MSRA: variants seen among roughly 807,000 people sequenced by gnomAD.
MSRA encodes the protein methionine sulfoxide reductase A, also known as mitochondrial peptide methionine sulfoxide reductase.
In MSRA, 54 loss-of-function variants were observed where a neutral mutation model predicts 31.3. That is an observed-to-expected ratio of 1.73 (90% CI 1.39 to 2.17). MSRA has a LOEUF of 2.17. MSRA is among the 30% of genes most tolerant of loss of function. The pLI is 0.00. For missense variants in MSRA, 507 were observed against 300.9 expected, an observed-to-expected ratio of 1.69 and a Z score of -5.07; for synonymous variants, 169 against 116.5, an observed-to-expected ratio of 1.45 and a Z score of -2.90.
At chr8:10,265,422 A>C (rs1002660275) in intron 3 of MSRA, among the ~76,000 whole-genome samples, 14 of 152,204 alleles carry the variant, frequency 9.2e-5, no homozygotes, top group African/African-American at 3.4e-4. Flanking sequence ...ATAGTGACCT[A>C]TGCCTCTCAT....
chr8:10,214,755 A>G (rs1809841326), intron 2 of MSRA, among the ~76,000 whole-genome samples: 1 of 152,214 alleles, frequency 6.6e-6, no homozygotes, highest in Non-Finnish European at 1.5e-5. Context: ...AGATAAAAAT[A>G]GGCCTTCCTC....
chr8:10,192,939 T>A (rs925347456), intron 1 of MSRA, among the ~76,000 whole-genome samples: 2 of 152,230 alleles, frequency 1.3e-5, no homozygotes, highest in African/African-American at 4.8e-5. Context: ...ATTTTTAAAT[T>A]GGGGGTTTGC....
At chr8:10,176,318 A>T (rs543659222) in intron 1 of MSRA, among the ~76,000 whole-genome samples, 1 of 152,256 alleles carries the variant, frequency 6.6e-6, no homozygotes, top group East Asian at 1.9e-4. Flanking sequence ...CTCCTCAGAG[A>T]TGCCAGCTCT....
chr8:10,066,938 C>G (rs1342711771), intron 1 of MSRA, among the ~76,000 whole-genome samples: 5 of 151,822 alleles, frequency 3.3e-5, no homozygotes, highest in Non-Finnish European at 7.4e-5. Flanking sequence ...TACAGAGTTC[C>G]CATACACACT....
At chr8:10,351,244 AC>A (rs1330735490) in intron 5 of MSRA, among the ~76,000 whole-genome samples, 19 of 79,742 alleles carry the variant, frequency 2.4e-4, no homozygotes, top group African/African-American at 9.6e-4. Flanking sequence ...TCTGAAGGAG[AC>A]TTTTTTTTTT....
chr8:10,092,948 T>G (rs1177235686), intron 1 of MSRA, among the ~76,000 whole-genome samples: 3 of 152,244 alleles, frequency 2.0e-5, no homozygotes, highest in African/African-American at 7.2e-5. Flanking sequence ...CTTCTTTATC[T>G]TTAGTAGCAA....
chr8:10,253,324 T>A (rs1157643433), intron 3 of MSRA, among the ~76,000 whole-genome samples: 2 of 152,218 alleles, frequency 1.3e-5, no homozygotes, highest in Non-Finnish European at 2.9e-5. Context: ...ATGACCTTGA[T>A]ATTTTAATAT....
intron 2 of MSRA, among the ~76,000 whole-genome samples, chr8:10,239,039 C>G (rs1380734868): frequency 6.6e-6 from 1 of 151,986 alleles, no homozygotes. Flanking sequence ...TGCAACAAAC[C>G]AAGAAAAATA....
At chr8:10,192,191 A>G (rs1807568119) in intron 1 of MSRA, among the ~76,000 whole-genome samples, 2 of 151,678 alleles carry the variant, frequency 1.3e-5, no homozygotes, top group South Asian at 4.2e-4. Context: ...AACCCCCATC[A>G]CTCCTGTTGT....
chr8:10,166,387 A>G (rs1045622053), intron 1 of MSRA, among the ~76,000 whole-genome samples: 6 of 151,022 alleles, frequency 4.0e-5, no homozygotes, highest in African/African-American at 1.5e-4. Context: ...TTTGTATGAT[A>G]GTGTGTGCTC....
intron 5 of MSRA, 31 bp downstream of exon 5, chr8:10,320,020 T>C (rs760278645): frequency 6.7e-6 from 10 of 1,481,940 alleles, no homozygotes; most frequent in Non-Finnish European, 9.3e-6. Flanking sequence ...AGCCCCTGGC[T>C]TAGGCCACCA....
At chr8:10,057,822 C>T (rs921431587) in intron 1 of MSRA, among the ~76,000 whole-genome samples, 1 of 152,200 alleles carries the variant, frequency 6.6e-6, no homozygotes, top group Non-Finnish European at 1.5e-5. Context: ...GCTTTCTGTA[C>T]AGGCTGTGAA....
intron 1 of MSRA, among the ~76,000 whole-genome samples, chr8:10,059,407 A>G (rs537743135): frequency 1.3e-5 from 2 of 152,362 alleles, no homozygotes; most frequent in Admixed American, 1.3e-4. Flanking sequence ...TTTAAACAAC[A>G]TACATTGCTA....
intron 5 of MSRA, among the ~76,000 whole-genome samples, chr8:10,357,760 A>C (rs1804594071): frequency 6.6e-6 from 1 of 152,200 alleles, no homozygotes; most frequent in Admixed American, 6.5e-5. Flanking sequence ...TAGTTTTTTC[A>C]GTGGACACAC....
intron 3 of MSRA, among the ~76,000 whole-genome samples, chr8:10,287,433 C>T (rs549379871): frequency 1.3e-5 from 2 of 152,158 alleles, no homozygotes; most frequent in Admixed American, 6.5e-5. Flanking sequence ...AAAAGTGTTA[C>T]ACCAATCTAA....
At chr8:10,091,605 T>A (rs1157306814) in intron 1 of MSRA, among the ~76,000 whole-genome samples, 1 of 150,988 alleles carries the variant, frequency 6.6e-6, no homozygotes, top group East Asian at 1.9e-4. Context: ...GATCATATGG[T>A]AGTTTTTTTT....
intron 1 of MSRA, among the ~76,000 whole-genome samples, chr8:10,083,021 A>G (rs1479960689): frequency 6.6e-6 from 1 of 152,232 alleles, no homozygotes; most frequent in Non-Finnish European, 1.5e-5. Context: ...CTCCAATCTG[A>G]TGGCACTGAC....
At chr8:10,116,587 G>A (rs1360841976) in intron 1 of MSRA, among the ~76,000 whole-genome samples, 3 of 152,160 alleles carry the variant, frequency 2.0e-5, no homozygotes, top group Non-Finnish European at 2.9e-5. Flanking sequence ...GATATCGTGT[G>A]ATAACATACA....
chr8:10,179,619 C>G (rs1806364204), intron 1 of MSRA, among the ~76,000 whole-genome samples: 2 of 152,178 alleles, frequency 1.3e-5, no homozygotes, highest in African/African-American at 4.8e-5. Context: ...TCTGGTCCAG[C>G]CCTGAATCGA....
Sources: gnomAD v4.1 joint callset for allele counts (sites outside exome capture counted in the v4.1 genomes callset) on GRCh38, gnomAD v4.1.1 for gene constraint, MANE v1.5 for transcripts, NCBI Gene and HGNC (gene_info 2026-07-23, HGNC 2026-07-21) for gene names.